RSU1: variants seen among roughly 807,000 people sequenced by gnomAD.
RSU1 encodes the protein rsu-1.
In RSU1, 26 loss-of-function variants were observed where a neutral mutation model predicts 31.1. That is an observed-to-expected ratio of 0.84 (90% CI 0.61 to 1.16). The LOEUF (loss-of-function observed/expected upper bound fraction) is 1.16, where lower values mean the gene tolerates loss of function less well. Ranked by LOEUF, RSU1 falls within the 50% of genes most tolerant of loss-of-function variation. The pLI is 0.00. For missense variants in RSU1, 320 were observed against 339.1 expected (o/e 0.94, Z 0.44); for synonymous variants, 164 against 136.3 (o/e 1.20, Z -1.41).
chr10:16,611,268 G>A (rs748107313), intron 8 of RSU1, among the ~76,000 whole-genome samples: 1 of 152,162 alleles, frequency 6.6e-6, no homozygotes, highest in Non-Finnish European at 1.5e-5. Flanking sequence ...CAGGGAAGAC[G>A]GGCTGCAGGG....
chr10:16,755,082 A>C, intron 4 of RSU1, 93 bp from the exon 5 acceptor site: 1 of 699,122 alleles, frequency 1.4e-6, no homozygotes. Context: ...CTGAAAGTGT[A>C]AGACAGTGCC....
intron 7 of RSU1, among the ~76,000 whole-genome samples, chr10:16,699,310 T>C (rs1176932988): frequency 1.3e-5 from 2 of 152,208 alleles, no homozygotes; most frequent in Non-Finnish European, 2.9e-5. Flanking sequence ...GATTTGTCTC[T>C]GGGTTCTCTT....
intron 2 of RSU1, among the ~76,000 whole-genome samples, chr10:16,793,649 T>G (rs1837972045): frequency 6.6e-6 from 1 of 152,092 alleles, no homozygotes. Flanking sequence ...AGATATGCAG[T>G]CACTGGATGG....
chr10:16,705,753 G>A (rs1390783176), intron 7 of RSU1, among the ~76,000 whole-genome samples: 1 of 152,162 alleles, frequency 6.6e-6, no homozygotes, highest in African/African-American at 2.4e-5. Flanking sequence ...GCCTCCCAAA[G>A]TGCTGGGATT....
At chr10:16,737,098 A>T (rs893536780) in intron 7 of RSU1, among the ~76,000 whole-genome samples, 2 of 152,116 alleles carry the variant, frequency 1.3e-5, no homozygotes, top group African/African-American at 4.8e-5. Context: ...CCTGTGGAAG[A>T]TATCAAGTGA....
intron 8 of RSU1, among the ~76,000 whole-genome samples, chr10:16,638,112 AT>A (rs1258147590): frequency 6.6e-5 from 10 of 152,060 alleles, no homozygotes; most frequent in Non-Finnish European, 1.2e-4. Context: ...ATATATTTTG[AT>A]TTAGATTTAT....
chr10:16,599,193 GT>G (rs1487998416), intron 8 of RSU1, among the ~76,000 whole-genome samples: 1 of 152,254 alleles, frequency 6.6e-6, no homozygotes, highest in Non-Finnish European at 1.5e-5. Flanking sequence ...ATTCCTTGCA[GT>G]TCCTGAGAGG....
intron 7 of RSU1, among the ~76,000 whole-genome samples, chr10:16,712,651 T>A (rs1836044742): frequency 6.6e-6 from 1 of 152,138 alleles, no homozygotes; most frequent in Admixed American, 6.6e-5. Flanking sequence ...AATCTACTTA[T>A]TTATTATATA....
At chr10:16,683,452 T>C (rs3864822) in intron 8 of RSU1, among the ~76,000 whole-genome samples, 3,711 of 152,308 alleles carry the variant, frequency 0.024, 110 homozygotes, top group Admixed American at 0.089. Flanking sequence ...CTATAATGGT[T>C]AATTTGTAAA....
chr10:16,625,967 CAA>C (rs1834152127), intron 8 of RSU1, among the ~76,000 whole-genome samples: 2 of 152,110 alleles, frequency 1.3e-5, no homozygotes, highest in Non-Finnish European at 2.9e-5. Flanking sequence ...GTAACATACA[CAA>C]AACACTGGGG....
At chr10:16,708,940 A>C (rs540745644) in intron 7 of RSU1, among the ~76,000 whole-genome samples, 68 of 59,924 alleles carry the variant, frequency 1.1e-3, no homozygotes, top group African/African-American at 0.01. Flanking sequence ...CTGATTTTGT[A>C]TCCCATAACT....
chr10:16,668,797 G>A (rs1329325325), intron 8 of RSU1, among the ~76,000 whole-genome samples: 5 of 152,074 alleles, frequency 3.3e-5, no homozygotes, highest in African/African-American at 9.7e-5. Flanking sequence ...TGTCTTTGAT[G>A]GTGGTTTACA....
At chr10:16,682,562 ACACACACACATG>A (rs1406527110) in intron 8 of RSU1, among the ~76,000 whole-genome samples, 15 of 148,396 alleles carry the variant, frequency 1.0e-4, no homozygotes, top group East Asian at 4.0e-4. Flanking sequence ...ACACACACAC[ACACACACACATG>A]CATGCATGTT....
At chr10:16,730,212 C>T (rs994580599) in intron 7 of RSU1, among the ~76,000 whole-genome samples, 1 of 152,142 alleles carries the variant, frequency 6.6e-6, no homozygotes, top group Non-Finnish European at 1.5e-5. Context: ...GAGGACACAC[C>T]AAGCCATTCA....
chr10:16,640,786 T>C (rs1235693612), intron 8 of RSU1, among the ~76,000 whole-genome samples: 1 of 152,214 alleles, frequency 6.6e-6, no homozygotes, highest in Non-Finnish European at 1.5e-5. Context: ...TGTTACAAGC[T>C]CTCATAGCAC....
chr10:16,745,062 T>C (rs538553695), intron 7 of RSU1, among the ~76,000 whole-genome samples: 8 of 152,212 alleles, frequency 5.3e-5, no homozygotes, highest in Non-Finnish European at 1.2e-4. Context: ...GGTAACTAAC[T>C]GCCTCTTCCC....
rs67816326 is a variant in RSU1 at position 16,697,987 on chromosome 10, C to CTTTTT, written c.599-2837_599-2833dup. 7.2e-4 allele frequency among the ~76,000 whole-genome samples: 72 copies of CTTTTT among 99,558 alleles called. 3 individuals are homozygous for CTTTTT. Among genetic ancestry groups the CTTTTT allele is most frequent in the African/African-American group, 2.9e-3 (59 of 20,268 alleles). The allele number at this position is 99,558 out of a possible 152,430, so 65.3% of individuals were successfully genotyped here. A position where few individuals can be genotyped will look rare whatever the true frequency, so the allele number is the denominator to read the frequency against. On this transcript the variant is annotated intron_variant, in intron 7 of 8. Transcript: ENST00000345264. ...CAGAGGGGTGATTGCAGGAACACAC[C>CTTTTT]TTTTTTTTTTTTTTTTTTTTTTTTT...
intron 7 of RSU1, among the ~76,000 whole-genome samples, chr10:16,728,541 A>G (rs373489952): frequency 2.4e-4 from 36 of 152,178 alleles, no homozygotes; most frequent in African/African-American, 8.4e-4. Context: ...CAACGGAACT[A>G]TGAGGTTCAT....
intron 8 of RSU1, among the ~76,000 whole-genome samples, chr10:16,646,460 A>C (rs1489499829): frequency 6.6e-6 from 1 of 151,834 alleles, no homozygotes; most frequent in African/African-American, 2.4e-5. Flanking sequence ...CTCCTCTCTG[A>C]CTCTTTTGCC....
Sources: allele counts gnomAD v4.1 joint callset (sites outside exome capture counted in the v4.1 genomes callset), GRCh38; gene constraint gnomAD v4.1.1; transcripts MANE v1.5; gene names NCBI Gene and HGNC (gene_info 2026-07-23, HGNC 2026-07-21).